The following ACOXL variants were observed in gnomAD, a reference collection of about 807,000 sequenced individuals.
ACOXL encodes the protein acyl-CoA oxidase like, also known as acyl-coenzyme A oxidase-like protein.
In ACOXL, 70 loss-of-function variants were observed where a neutral mutation model predicts 71.9. The ratio of observed to expected loss-of-function variants is 0.97; its 90% CI spans 0.80 to 1.19. The LOEUF (loss-of-function observed/expected upper bound fraction) is 1.19. ACOXL is among the 50% of genes most tolerant of loss of function. ACOXL has a pLI of 0.00. For synonymous variants in ACOXL, 253 were observed against 281.6 expected (o/e 0.90, Z 1.02); for missense variants, 703 against 736.3 (o/e 0.95, Z 0.52).
At chr2:110,953,396 T>C (rs1234281467) in intron 12 of ACOXL, among the ~76,000 whole-genome samples, 2 of 152,080 alleles carry the variant, frequency 1.3e-5, no homozygotes, top group Non-Finnish European at 2.9e-5. Context: ...TAAAGATCTT[T>C]TGAAATTTTT....
intron 9 of ACOXL, among the ~76,000 whole-genome samples, chr2:110,817,160 A>G (rs1400478926): frequency 6.6e-6 from 1 of 152,228 alleles, no homozygotes; most frequent in African/African-American, 2.4e-5. Flanking sequence ...AAGGCGGTCC[A>G]GGAGGAGAGA....
At chr2:111,036,957 G>GAGCAAATTTC (rs2065544184) in intron 15 of ACOXL, 2 of 152,182 alleles carry the variant, frequency 1.3e-5, no homozygotes, top group African/African-American at 2.4e-5. Flanking sequence ...AATTTGACTG[G>GAGCAAATTTC]ATGGAAGCAT....
chr2:110,966,762 G>A (rs3789103), intron 12 of ACOXL, among the ~76,000 whole-genome samples: 53,131 of 152,098 alleles, frequency 0.35, 10,405 homozygotes, highest in Middle Eastern at 0.51. Flanking sequence ...GGAAAAGGGG[G>A]TAGTTGGCCC....
intron 10 of ACOXL, among the ~76,000 whole-genome samples, chr2:110,858,070 T>G (rs758426585): frequency 1.3e-5 from 2 of 152,214 alleles, no homozygotes; most frequent in Non-Finnish European, 2.9e-5. Context: ...TATATCATTT[T>G]TTAGGTGCTC....
chr2:110,874,712 G>A (rs1006384328), intron 10 of ACOXL, among the ~76,000 whole-genome samples: 1 of 152,226 alleles, frequency 6.6e-6, no homozygotes, highest in African/African-American at 2.4e-5. Flanking sequence ...AGTTAGAGCA[G>A]AGCAGAGCTC....
chr2:110,809,246 C>T (rs1297759453), intron 9 of ACOXL, among the ~76,000 whole-genome samples: 6 of 152,250 alleles, frequency 3.9e-5, no homozygotes, highest in Admixed American at 2.0e-4. Flanking sequence ...CACACTCGTG[C>T]ATTGTGCTGT....
At chr2:110,850,458 A>T (rs1243293910) in intron 10 of ACOXL, among the ~76,000 whole-genome samples, 1 of 152,240 alleles carries the variant, frequency 6.6e-6, no homozygotes, top group Non-Finnish European at 1.5e-5. Context: ...AAATACTCGA[A>T]CTGATTATTC....
At chr2:110,850,633 C>G (rs895752097) in intron 10 of ACOXL, among the ~76,000 whole-genome samples, 2 of 152,146 alleles carry the variant, frequency 1.3e-5, no homozygotes, top group Non-Finnish European at 2.9e-5. Flanking sequence ...AACTTCCCAA[C>G]ACAAACACAA....
chr2:110,859,237 C>T (rs185868803), intron 10 of ACOXL, among the ~76,000 whole-genome samples: 169 of 152,194 alleles, frequency 1.1e-3, no homozygotes, highest in African/African-American at 3.7e-3. Context: ...GCCATTTGAC[C>T]GGACGCTGTG....
intron 12 of ACOXL, among the ~76,000 whole-genome samples, chr2:110,983,406 C>T (rs141466764): frequency 2.6e-5 from 4 of 152,330 alleles, no homozygotes; most frequent in Non-Finnish European, 4.4e-5. Flanking sequence ...TTGCCAAACT[C>T]ACAGTTTCCA....
chr2:111,067,416 T>C (rs554388598), intron 16 of ACOXL, among the ~76,000 whole-genome samples: 4 of 152,180 alleles, frequency 2.6e-5, no homozygotes, highest in African/African-American at 7.2e-5. Flanking sequence ...AAAAAATAAA[T>C]ATGAAAAACA....
rs1158766103 is a variant in ACOXL, at chr2:110,980,132, G to A, written c.1060-6976G>A. Among the ~76,000 whole-genome samples the A allele has an allele frequency of 2.0e-5, 3 of 152,340 alleles. 1 individual carries two copies. The highest frequency in any genetic ancestry group is 1.3e-4 in the Admixed American group (2 of 15,310). ...ACATTGAGGAACTGTGAAATCCTGG[G>A]CTTAGCCCCTCTGAGAGTTACAGCC... On this transcript the variant is annotated intron_variant, in intron 12 of 17. Coordinates refer to ENST00000439055, the MANE Select transcript of ACOXL (RefSeq NM_001142807.4).
chr2:110,735,771 G>T (rs944723831), intron 1 of ACOXL, among the ~76,000 whole-genome samples: 6 of 152,216 alleles, frequency 3.9e-5, no homozygotes, highest in Admixed American at 1.3e-4. Context: ...AGCATTCTGG[G>T]TGACTGGCGG....
chr2:110,752,854 G>A (rs1215763872), intron 1 of ACOXL, among the ~76,000 whole-genome samples: 1 of 152,130 alleles, frequency 6.6e-6, no homozygotes, highest in African/African-American at 2.4e-5. Flanking sequence ...AGGAATTTCA[G>A]TGTCTTAATT....
chr2:110,910,656 A>G (rs973486307), intron 11 of ACOXL, among the ~76,000 whole-genome samples: 15 of 152,170 alleles, frequency 9.9e-5, no homozygotes, highest in Admixed American at 9.2e-4. Flanking sequence ...TAGGCATGAA[A>G]TGTTGTCACA....
At chr2:110,921,435 C>T (rs1364122844) in intron 11 of ACOXL, among the ~76,000 whole-genome samples, 1 of 131,336 alleles carries the variant, frequency 7.6e-6, no homozygotes, top group African/African-American at 2.8e-5. Flanking sequence ...CATTGTTTCC[C>T]AGGCTGGAGT....
At chr2:111,043,886 C>G (rs183443242) in intron 15 of ACOXL, among the ~76,000 whole-genome samples, 70 of 152,310 alleles carry the variant, frequency 4.6e-4, no homozygotes, top group African/African-American at 1.6e-3. Flanking sequence ...AGCCACATTT[C>G]CCTACCAGAC....
chr2:110,766,718 G>A (rs1004154055), intron 1 of ACOXL, among the ~76,000 whole-genome samples: 39 of 152,202 alleles, frequency 2.6e-4, no homozygotes, highest in African/African-American at 9.2e-4. Flanking sequence ...CTGATGGGGT[G>A]TTGGTGTGAA....
chr2:110,745,893 G>A (rs1201643307), intron 1 of ACOXL, among the ~76,000 whole-genome samples: 5 of 152,142 alleles, frequency 3.3e-5, no homozygotes, highest in African/African-American at 1.2e-4. Flanking sequence ...ACCATAGTCA[G>A]GGAAAGCAGC....
Sources: allele counts gnomAD v4.1 joint callset (sites outside exome capture counted in the v4.1 genomes callset), GRCh38; gene constraint gnomAD v4.1.1; transcripts MANE v1.5; gene names NCBI Gene and HGNC (gene_info 2026-07-23, HGNC 2026-07-21).